TCF20: variants seen among roughly 807,000 people sequenced by gnomAD.
The protein encoded by TCF20 is SPRE-binding protein.
Under a neutral mutation model 148.6 loss-of-function variants are expected in TCF20, and 3 were observed. The ratio of observed to expected loss-of-function variants is 0.02; its 90% CI spans 0.01 to 0.05. TCF20 has a LOEUF of 0.05. TCF20 is among the 10% of genes least tolerant of loss of function. The pLI, the probability that TCF20 is intolerant of heterozygous loss-of-function variation, is 1.00. For missense variants in TCF20, 2,350 were observed against 2,429.3 expected, an observed-to-expected ratio of 0.97 and a Z score of 0.69; for synonymous variants, 1,049 against 909.5, an observed-to-expected ratio of 1.15 and a Z score of -2.76.
In TCF20 at chr22:42,214,900, C is replaced by G. The variant is rs1921543636; in HGVS notation, c.406G>C (p.Val136Leu). The G allele has an allele frequency of 6.2e-7, 1 of 1,614,122 alleles. No individual in the cohort carries two copies. Among genetic ancestry groups the G allele is most frequent in the Non-Finnish European group, 8.5e-7 (1 of 1,180,054 alleles). ...FGNQYGSEGH[V>L]GQFQAQHSGL... ...GAGTGCTGTGCTTGAAACTGGCCCA[C>G]ATGACCCTCACTCCCATACTGATTG... The change falls in exon 2 of 6, where the codon GTG (valine) becomes CTG (leucine). Residue 136 changes from valine (V) to leucine (L), a missense_variant. By Grantham distance (32) the Val-to-Leu change is conservative (BLOSUM62 1). This residue lies in a region of TCF20 where 1,641 missense variants were observed against 1,662.6 expected (regional missense o/e 0.99). Transcript: ENST00000677622.
chr22:42,336,431 C>T (rs1258299419), intron 1 of TCF20, among the ~76,000 whole-genome samples: 1 of 152,056 alleles, frequency 6.6e-6, no homozygotes, highest in Non-Finnish European at 1.5e-5. Flanking sequence ...TTCAGGCATC[C>T]CTTCTCCTGC....
Position 42,262,152 on chromosome 22 carries a change from C to T in TCF20, c.-37+8187G>A, listed in dbSNP as rs147964244. The stretch of plus-strand genomic sequence containing the variant: ...TGAACCATGTGGGGGAGTTTGGAAT[C>T]TAAGTGCTATGGAAAACCATTAAAA... On this transcript the variant is annotated intron_variant, in intron 1 of 5. Transcript: ENST00000677622. 1.2e-4 allele frequency among the ~76,000 whole-genome samples: 18 copies of T among 152,240 alleles called. No homozygotes were observed. In the East Asian group the frequency reaches 3.3e-3, roughly 28 times the overall value.
intron 1 of TCF20, among the ~76,000 whole-genome samples, chr22:42,331,648 C>A (rs1033608855): frequency 6.6e-6 from 1 of 152,224 alleles, no homozygotes; most frequent in African/African-American, 2.4e-5. Context: ...AGGGCTTGAG[C>A]CCTGCACCCC....
At chr22:42,306,292 G>C (rs569155467) in intron 1 of TCF20, among the ~76,000 whole-genome samples, 1 of 152,384 alleles carries the variant, frequency 6.6e-6, no homozygotes, top group Admixed American at 6.5e-5. Context: ...CTCCTTCCAA[G>C]GAAAGTGGCG....
At chr22:42,314,603 C>T (rs185631468) in intron 1 of TCF20, among the ~76,000 whole-genome samples, 26 of 152,226 alleles carry the variant, frequency 1.7e-4, no homozygotes, top group Admixed American at 1.4e-3. Flanking sequence ...GAGGCCCAAG[C>T]CAAGGGCTGA....
At position 42,257,557 on chromosome 22, in the gene TCF20, T is replaced by A. The variant is rs1436264561; in HGVS notation, c.-37+12782A>T. On this transcript the variant is annotated intron_variant, in intron 1 of 5. Transcript: ENST00000677622. Reference sequence around the variant, plus strand: ...GAGCAGAGGCTCAGAGGCAAAATGGTACATTCTTTCTCAATGCACTGGCAG... The same window carrying A: ...GAGCAGAGGCTCAGAGGCAAAATGGAACATTCTTTCTCAATGCACTGGCAG... Among the ~76,000 whole-genome samples the A allele has an allele frequency of 3.3e-5, 5 of 152,166 alleles. No individual in the cohort carries two copies. In the East Asian group the frequency reaches 7.7e-4, roughly 23 times the overall value.
chr22:42,288,276 G>A (rs550148456), upstream of TCF20, among the ~76,000 whole-genome samples: 2 of 152,082 alleles, frequency 1.3e-5, no homozygotes, highest in Admixed American at 6.5e-5. Flanking sequence ...GGTGGCTCAC[G>A]CCTGTAATCC....
chr22:42,213,554 T>C lies in TCF20; in HGVS notation c.1752A>G (p.Pro584=), dbSNP rs1921280399. 3 of 1,614,206 alleles carry C rather than the reference T, an allele frequency of 1.9e-6. No homozygotes were observed. The highest frequency in any genetic ancestry group is 2.5e-6 in the Non-Finnish European group (3 of 1,180,042). ...SPAAREEATS[P]GAKDMPLSSD... ...ATGACAATGGCATGTCCTTAGCGCC[T>C]GGTGAGGTGGCCTCTTCTCTTGCGG... The change falls in exon 2 of 6, where the codon CCA becomes CCG. Residue 584 remains proline (P), a synonymous_variant. Coordinates refer to ENST00000677622, the MANE Select transcript of TCF20 (RefSeq NM_001378418.1).
intron 3 of TCF20, among the ~76,000 whole-genome samples, chr22:42,175,290 C>T (rs945462223): frequency 4.6e-5 from 7 of 152,160 alleles, no homozygotes; most frequent in African/African-American, 1.4e-4. Flanking sequence ...CTCAGCCTCC[C>T]GAGTACCTGA....
At chr22:42,234,320 A>C (rs966680367) in intron 1 of TCF20, among the ~76,000 whole-genome samples, 8 of 152,208 alleles carry the variant, frequency 5.3e-5, no homozygotes, top group Admixed American at 2.0e-4. Context: ...ACGTACCAAC[A>C]CCATAGGTCA....
chr22:42,169,249 C>G (rs1305275849), intron 4 of TCF20, among the ~76,000 whole-genome samples: 1 of 152,122 alleles, frequency 6.6e-6, no homozygotes, highest in African/African-American at 2.4e-5. Flanking sequence ...CCTCCCCACA[C>G]ACATATGTGG....
In TCF20 at chr22:42,205,084, C is replaced by T. The variant is rs118180194; in HGVS notation, c.5655+4567G>A. On this transcript the variant is annotated intron_variant, in intron 2 of 5. Coordinates refer to ENST00000677622, the MANE Select transcript of TCF20 (RefSeq NM_001378418.1). ...CACATCCCTGCACGCCTTGGCATTC[C>T]TTAATGTCTCAAAGGTGATTTGTAC... 2.7e-3 allele frequency among the ~76,000 whole-genome samples: 404 copies of T among 152,274 alleles called. 3 individuals carry two copies. The highest frequency in any genetic ancestry group is 3.7e-3 in the Non-Finnish European group (250 of 68,012).
intron 3 of TCF20, among the ~76,000 whole-genome samples, chr22:42,172,643 C>A (rs918334352): frequency 6.6e-6 from 1 of 152,208 alleles, no homozygotes; most frequent in African/African-American, 2.4e-5. Context: ...TCATTATAAG[C>A]TCTGTGAAGC....
At position 42,211,772 on chromosome 22, in the gene TCF20, C is replaced by A; in HGVS notation, c.3534G>T (p.Lys1178Asn). ...ATTCTTGTAACTTCTGGGAGCCATGCTTTAATTCCATGCCCTTGTTAGGCA... is the reference window on the plus strand; with the variant it reads ...ATTCTTGTAACTTCTGGGAGCCATGATTTAATTCCATGCCCTTGTTAGGCA... The part of the protein sequence containing the change: ...DGLPNKGMEL[K>N]HGSQKLQESC... Residue 1178 changes from lysine (K) to asparagine (N), a missense_variant, in exon 2 of 6, where the codon AAG (lysine) becomes AAT (asparagine). By Grantham distance (94) the Lys-to-Asn change is moderately conservative (BLOSUM62 0). Around this residue, in one of 7 missense-constraint regions of TCF20, gnomAD observed 1,641 missense variants for 1,662.6 expected, o/e 0.99. Transcript: ENST00000677622. The A allele has an allele frequency of 6.2e-7, 1 of 1,614,242 alleles. No homozygotes were observed. Among genetic ancestry groups the A allele is most frequent in the Non-Finnish European group, 8.5e-7 (1 of 1,180,042 alleles).
At chr22:42,242,140 T>C (rs1389726107) in intron 1 of TCF20, among the ~76,000 whole-genome samples, 3 of 133,958 alleles carry the variant, frequency 2.2e-5, no homozygotes, top group East Asian at 2.1e-4. Flanking sequence ...GAGGCGGAGG[T>C]TGCAGTGAGC....
intron 5 of TCF20, among the ~76,000 whole-genome samples, chr22:42,164,527 A>G (rs1370029688): frequency 6.6e-6 from 1 of 152,146 alleles, no homozygotes; most frequent in Non-Finnish European, 1.5e-5. Context: ...CCGGCCTGGG[A>G]TGCACTCATT....
chr22:42,256,727 T>C (rs1395531614), intron 1 of TCF20, among the ~76,000 whole-genome samples: 1 of 152,238 alleles, frequency 6.6e-6, no homozygotes, highest in Non-Finnish European at 1.5e-5. Context: ...TGTTTAGTAA[T>C]GTACAGGTAC....
intron 1 of TCF20, among the ~76,000 whole-genome samples, chr22:42,293,808 C>G (rs750615418): frequency 2.0e-5 from 3 of 152,152 alleles, no homozygotes; most frequent in Admixed American, 2.0e-4. Flanking sequence ...GAGACCAGCC[C>G]GACCAACATG....
At chr22:42,168,115 G>GA (rs1458448465) in intron 5 of TCF20, among the ~76,000 whole-genome samples, 1 of 152,032 alleles carries the variant, frequency 6.6e-6, no homozygotes, top group Non-Finnish European at 1.5e-5. Context: ...CTGCAAAAAG[G>GA]AATCCTTCAT....
Sources: allele counts gnomAD v4.1 joint callset (sites outside exome capture counted in the v4.1 genomes callset), GRCh38; gene constraint gnomAD v4.1.1; regional missense constraint gnomAD v4.1.1; transcripts MANE v1.5; gene names NCBI Gene and HGNC (gene_info 2026-07-23, HGNC 2026-07-21).